PRKCZ: variants seen among roughly 807,000 people sequenced by gnomAD.
PRKCZ encodes protein kinase C zeta type.
PRKCZ carries 33 observed loss-of-function variants against 79.5 expected under a neutral mutation model. The ratio of observed to expected loss-of-function variants is 0.41; its 90% CI spans 0.31 to 0.55. The LOEUF is 0.55. PRKCZ is among the 20% of genes least tolerant of loss of function. PRKCZ has a pLI of 0.19. For synonymous variants in PRKCZ, 342 were observed against 320.9 expected, an observed-to-expected ratio of 1.07 and a Z score of -0.70; for missense variants, 578 against 813.5, an observed-to-expected ratio of 0.71 and a Z score of 3.52.
chr1:2,095,590 C>T lies in PRKCZ; in HGVS notation c.334+35999C>T, dbSNP rs1410907652. On this transcript the variant is annotated intron_variant, in intron 4 of 17. Coordinates refer to ENST00000378567, the MANE Select transcript of PRKCZ (RefSeq NM_002744.6). ...GCGCTTTGCGTCAGATGCGTGCGTC[C>T]TGCATGGGTGGTGCCGGCCGGCTGT... is the stretch of plus-strand genomic sequence containing the variant. Among the ~76,000 whole-genome samples, 3 of 152,078 alleles carry T rather than the reference C, an allele frequency of 2.0e-5. No individual in the cohort carries two copies. In the South Asian group the frequency reaches 6.2e-4, roughly 31 times the overall value.
chr1:2,064,311 G>T (rs545309366), intron 4 of PRKCZ, among the ~76,000 whole-genome samples: 1 of 152,290 alleles, frequency 6.6e-6, no homozygotes, highest in East Asian at 1.9e-4. Context: ...CTCCTGCTTT[G>T]TGGGTTGTTT....
rs189603293 is a variant in PRKCZ at position 2,060,259 on chromosome 1, C to T, written c.334+668C>T. ...TGGACCGAGGCCGCTGCCTGTCCAG[C>T]GCAGGGCACGTGGCTCAGTGCCCTT... On this transcript the variant is annotated intron_variant, in intron 4 of 17. Transcript: ENST00000378567. Among the ~76,000 whole-genome samples, 620 of 152,366 alleles carry T rather than the reference C, an allele frequency of 4.1e-3. 3 individuals carry two copies. Among genetic ancestry groups the T allele is most frequent in the Non-Finnish European group, 6.8e-3 (463 of 68,038 alleles).
chr1:2,123,553 T>C (rs372273185), intron 4 of PRKCZ, among the ~76,000 whole-genome samples: 2 of 2,668 alleles, frequency 7.5e-4, no homozygotes, highest in Admixed American at 5.5e-3. Context: ...TGGTTAGGGT[T>C]GTGGTGGTTA....
intron 16 of PRKCZ, chr1:2,181,937 A>G (rs1445138257): frequency 3.8e-5 from 17 of 449,152 alleles, no homozygotes; most frequent in Admixed American, 9.6e-5. Context: ...GCCTAAGGGA[A>G]CAGCCCCGGC....
At chr1:2,107,349 C>T (rs151269377) in intron 4 of PRKCZ, among the ~76,000 whole-genome samples, 32 of 152,328 alleles carry the variant, frequency 2.1e-4, no homozygotes, top group African/African-American at 6.5e-4. Context: ...GCTTTTTTCC[C>T]GCACGTCACG....
At chr1:2,103,304 AG>A (rs1286548369) in intron 4 of PRKCZ, among the ~76,000 whole-genome samples, 3 of 152,370 alleles carry the variant, frequency 2.0e-5, no homozygotes, top group South Asian at 4.1e-4. Flanking sequence ...TGACTGGGAA[AG>A]GCTTCCCCGG....
intron 1 of PRKCZ, among the ~76,000 whole-genome samples, chr1:2,054,602 G>A (rs996578790): frequency 3.3e-5 from 5 of 151,678 alleles, no homozygotes; most frequent in African/African-American, 1.2e-4. Flanking sequence ...GGCTTCTGCC[G>A]TGGCTGCAGC....
At chr1:2,066,988 C>T (rs191975692) in intron 4 of PRKCZ, among the ~76,000 whole-genome samples, 1 of 152,362 alleles carries the variant, frequency 6.6e-6, no homozygotes, top group African/African-American at 2.4e-5. Context: ...TTTCATTCAT[C>T]TCTCAGCATT....
intron 4 of PRKCZ, among the ~76,000 whole-genome samples, chr1:2,122,417 ACGG>A (rs1672471430): frequency 8.5e-3 from 1 of 118 alleles, no homozygotes; most frequent in African/African-American, 0.056. Flanking sequence ...GGTTAGGGTC[ACGG>A]TGGTAGGGTC....
chr1:2,160,806 C>T (rs988239626), intron 10 of PRKCZ, among the ~76,000 whole-genome samples: 4 of 152,040 alleles, frequency 2.6e-5, no homozygotes, highest in Non-Finnish European at 5.9e-5. Context: ...CCAGCCTGGA[C>T]GTGGAGGACT....
rs541801813 is a variant in PRKCZ at position 2,095,692 on chromosome 1, C to T, written c.334+36101C>T. Among the ~76,000 whole-genome samples the T allele has an allele frequency of 1.5e-4, 23 of 151,696 alleles. No individual in the cohort carries two copies. In the South Asian group the frequency reaches 4.0e-3, roughly 26 times the overall value. On this transcript the variant is annotated intron_variant, in intron 4 of 17. Coordinates refer to ENST00000378567, the MANE Select transcript of PRKCZ (RefSeq NM_002744.6). ...TCCGTGTGCTTGTCCAGCCTCCACT[C>T]GCCACAGCTCCCCTCCCCTCCCCTC...
At chr1:2,153,678 G>A (rs1365541913) in intron 9 of PRKCZ, among the ~76,000 whole-genome samples, 1 of 152,256 alleles carries the variant, frequency 6.6e-6, no homozygotes, top group Non-Finnish European at 1.5e-5. Context: ...GCACGTCCCG[G>A]TCAGCTGGAA....
Position 2,127,633 on chromosome 1 carries a change from G to A in PRKCZ, c.335-7629G>A, listed in dbSNP as rs1189334649. ...TGGCCTGAAATGCAGTGGGAGCTCT[G>A]GTGCAGGTGTAGCCGAGGCTCAGGG... On this transcript the variant is annotated intron_variant, in intron 4 of 17. Transcript: ENST00000378567. This position sits in a 1 kb window ranked among gnomAD's most constrained non-coding sequence, Gnocchi z 5.1. 6.6e-6 allele frequency among the ~76,000 whole-genome samples: 1 copy of A among 152,240 alleles called. No homozygotes were observed. Among genetic ancestry groups the A allele is most frequent in the African/African-American group, 2.4e-5 (1 of 41,466 alleles).
Position 2,125,711 on chromosome 1 carries a change from GGA to G in PRKCZ, c.335-9549_335-9548del, listed in dbSNP as rs1395798037. On this transcript the variant is annotated intron_variant, in intron 4 of 17. Transcript: ENST00000378567. The surrounding 1 kb of genome is among the most constrained non-coding windows in gnomAD (Gnocchi z 4.2). ...TGAGTCTGATTATTCGAAGGAGGCT[GGA>G]GTGTGGGCGGAGGGCAGCGCCAGGT... 1.3e-5 allele frequency among the ~76,000 whole-genome samples: 2 copies of G among 152,230 alleles called. No individual in the cohort carries two copies. Among genetic ancestry groups the G allele is most frequent in the African/African-American group, 2.4e-5 (1 of 41,464 alleles).
chr1:2,168,352 C>T lies in PRKCZ; in HGVS notation c.975-1166C>T, dbSNP rs775933504. ...CAGGTTACCAGAGAATTTCCAGGCA[C>T]ATCCGTTGGAGGCAGGGGAGACAAC... On this transcript the variant is annotated intron_variant, in intron 10 of 17. Coordinates refer to ENST00000378567, the MANE Select transcript of PRKCZ (RefSeq NM_002744.6). The surrounding 1 kb of genome is among the most constrained non-coding windows in gnomAD (Gnocchi z 4.7). Among the ~76,000 whole-genome samples the T allele has an allele frequency of 1.6e-3, 238 of 152,174 alleles. 1 individual carries two copies. The highest frequency in any genetic ancestry group is 5.6e-3 in the African/African-American group (231 of 41,432).
intron 9 of PRKCZ, among the ~76,000 whole-genome samples, chr1:2,153,574 C>T (rs903078432): frequency 2.6e-5 from 4 of 152,238 alleles, no homozygotes; most frequent in South Asian, 2.1e-4. Context: ...CCATGCCCTG[C>T]GCCGAGGAAC....
intron 5 of PRKCZ, 62 bp from the exon 6 acceptor site, chr1:2,144,148 G>A: frequency 2.6e-6 from 4 of 1,536,036 alleles, no homozygotes; most frequent in Non-Finnish European, 3.5e-6. Context: ...GGAAGGCCCT[G>A]CCTGTCCTCT....
chr1:2,124,173 C>T (rs112032835), intron 4 of PRKCZ, among the ~76,000 whole-genome samples: 2,887 of 3,480 alleles, frequency 0.83, 1,249 homozygotes, highest in Non-Finnish European at 0.88. Flanking sequence ...AGGGTCACGG[C>T]GGTGGTTAGG....
chr1:2,154,230 T>G (rs1281565055), intron 9 of PRKCZ, among the ~76,000 whole-genome samples: 1 of 152,090 alleles, frequency 6.6e-6, no homozygotes, highest in African/African-American at 2.4e-5. Context: ...GGAGCTCGGC[T>G]TGTGGCCTGG....
Sources: allele counts gnomAD v4.1 joint callset (sites outside exome capture counted in the v4.1 genomes callset), GRCh38; gene constraint gnomAD v4.1.1; non-coding constraint Gnocchi (gnomAD v3.1); transcripts MANE v1.5; gene names NCBI Gene and HGNC (gene_info 2026-07-23, HGNC 2026-07-21).